The following IKBKE variants were observed in gnomAD, a reference collection of about 807,000 sequenced individuals.
IKBKE encodes the protein inhibitor of nuclear factor kappa-B kinase subunit epsilon.
In IKBKE, 45 loss-of-function variants were observed where a neutral mutation model predicts 92.1. The ratio of observed to expected loss-of-function variants is 0.49; its 90% confidence interval spans 0.38 to 0.63. The LOEUF is 0.63. IKBKE is among the 20% of genes least tolerant of loss of function. The pLI, the probability that IKBKE is intolerant of heterozygous loss-of-function variation, is 0.00. For missense variants in IKBKE, 700 were observed against 932.8 expected (o/e 0.75, Z 3.25); for synonymous variants, 374 against 380.3 (o/e 0.98, Z 0.19).
intron 13 of IKBKE, among the ~76,000 whole-genome samples, chr1:206,481,953 G>C (rs958944483): frequency 7.9e-5 from 12 of 151,756 alleles, no homozygotes; most frequent in African/African-American, 2.9e-4. Context: ...CTAATTTTTT[G>C]TATTTTTAGT....
chr1:206,476,546 C>A lies in IKBKE; in HGVS notation c.541-132C>A. 8.3e-7 allele frequency: 1 copy of A among 1,204,046 alleles called. No individual in the cohort carries two copies. The highest frequency in any genetic ancestry group is 1.4e-5 in the South Asian group (1 of 69,078). 74.6% of individuals were successfully genotyped at this position (1,204,046 alleles called of 1,614,324 possible). On this transcript the variant is annotated intron_variant, in intron 6 of 21. Transcript: ENST00000581977. The surrounding 1 kb of genome is among the most constrained non-coding windows in gnomAD (Gnocchi z 5.1). ...AAGATGGAAAAGGTGAGGCTGACACCCATTTTTAAGATGACAAAGAAGGAT... is the reference window on the plus strand; with the variant it reads ...AAGATGGAAAAGGTGAGGCTGACACACATTTTTAAGATGACAAAGAAGGAT...
At chr1:206,470,731 TG>T (rs1292149276) in intron 1 of IKBKE, 33 bp downstream of exon 1, 11 of 144,256 alleles carry the variant, frequency 7.6e-5, no homozygotes, top group Admixed American at 6.2e-4. Flanking sequence ...GGGGTGGGGG[TG>T]GAATGAGGGG....
intron 5 of IKBKE, 40 bp downstream of exon 5, chr1:206,475,034 C>T (rs782169050): frequency 1.9e-6 from 3 of 1,609,818 alleles, no homozygotes; most frequent in Admixed American, 1.7e-5. Context: ...CTCAGACCAG[C>T]GGCAGGCCTG....
intron 12 of IKBKE, 76 bp from the exon 13 acceptor site, chr1:206,480,371 T>A: frequency 7.9e-7 from 1 of 1,264,794 alleles, no homozygotes; most frequent in Non-Finnish European, 1.1e-6. Context: ...GAGGCCAGTA[T>A]CCTGGGATGC....
Position 206,473,326 on chromosome 1 carries a change from C to T in IKBKE, c.87+12C>T. On this transcript the variant is annotated intron_variant, in intron 3 of 21. Transcript: ENST00000581977. The stretch of plus-strand genomic sequence containing the variant: ...AGGCCCGCAACAAGGTAGGAAGCAA[C>T]CCTGGCCAGGCCCTGTCCAGCCCAG... 6.2e-7 allele frequency: 1 copy of T among 1,601,906 alleles called. No individual in the cohort carries two copies. The highest frequency in any genetic ancestry group is 1.1e-5 in the South Asian group (1 of 89,532).
Position 206,487,278 on chromosome 1 carries a change from G to C in IKBKE, c.1617-636G>C, listed in dbSNP as rs782472221. On this transcript the variant is annotated intron_variant, in intron 15 of 21. Coordinates refer to ENST00000581977, the MANE Select transcript of IKBKE (RefSeq NM_014002.4). The surrounding 1 kb of genome is among the most constrained non-coding windows in gnomAD (Gnocchi z 5.3). ...AAGTGTTTGTTTCCAGCCTGAAAAG[G>C]GGAAGGAAGAAATAATAATGACCTT... Among the ~76,000 whole-genome samples the C allele has an allele frequency of 6.6e-6, 1 of 152,228 alleles. No homozygotes were observed. The highest frequency in any genetic ancestry group is 2.4e-5 in the African/African-American group (1 of 41,442).
chr1:206,485,237 C>T lies in IKBKE; in HGVS notation c.1547C>T (p.Thr516Ile). ...AGATGCTCCCAAAATATCACGGAGA[C>T]CCAGGAGAGCCTGAGCAGCCTGAAC... The part of the protein sequence containing the change: ...LSRCSQNITE[T>I]QESLSSLNRE... Residue 516 changes from threonine to isoleucine, a missense_variant, in exon 15 of 22, where the codon ACC becomes ATC. Transcript: ENST00000581977. The surrounding 1 kb of genome is among the most constrained non-coding windows in gnomAD (Gnocchi z 5.0). The T allele has an allele frequency of 6.2e-7, 1 of 1,613,944 alleles. No homozygotes were observed. Among genetic ancestry groups the T allele is most frequent in the Admixed American group, 1.7e-5 (1 of 60,018 alleles).
chr1:206,485,916 C>T lies in IKBKE; in HGVS notation c.1616+610C>T, dbSNP rs1053114470. ...GCTGACTGTGGGGAGCCGCTGCCTA[C>T]CTTGCCGCTTCTGACCAGGGGATGG... On this transcript the variant is annotated intron_variant, in intron 15 of 21. Coordinates refer to ENST00000581977, the MANE Select transcript of IKBKE (RefSeq NM_014002.4). This position sits in a 1 kb window ranked among gnomAD's most constrained non-coding sequence, Gnocchi z 5.0. Among the ~76,000 whole-genome samples, 1 of 152,232 alleles carries T rather than the reference C, an allele frequency of 6.6e-6. No homozygotes were observed. Among genetic ancestry groups the T allele is most frequent in the African/African-American group, 2.4e-5 (1 of 41,462 alleles).
intron 21 of IKBKE, among the ~76,000 whole-genome samples, chr1:206,494,626 C>G (rs1174469176): frequency 1.1e-5 from 1 of 91,776 alleles, no homozygotes; most frequent in Non-Finnish European, 1.9e-5. Flanking sequence ...TTTTTTGAGA[C>G]GGAGTCTCAC....
intron 3 of IKBKE, among the ~76,000 whole-genome samples, chr1:206,473,956 G>A (rs1223183052): frequency 6.0e-5 from 5 of 83,746 alleles, no homozygotes; most frequent in East Asian, 4.0e-4. Flanking sequence ...GCGAGGCTCC[G>A]TCTCAAAAAA....
At chr1:206,471,855 C>T (rs781910094) in intron 2 of IKBKE, among the ~76,000 whole-genome samples, 23 of 152,312 alleles carry the variant, frequency 1.5e-4, no homozygotes, top group Non-Finnish European at 3.1e-4. Context: ...AAGTTCAGAG[C>T]GAAGGAACAT....
At chr1:206,483,416 G>A (rs1283229866) in intron 13 of IKBKE, among the ~76,000 whole-genome samples, 17 of 152,108 alleles carry the variant, frequency 1.1e-4, no homozygotes, top group Non-Finnish European at 2.1e-4. Context: ...ACTCAGTAAC[G>A]CCTTCAGCAT....
In IKBKE at chr1:206,476,594, G is replaced by A; in HGVS notation, c.541-84G>A. On this transcript the variant is annotated intron_variant, in intron 6 of 21. Coordinates refer to ENST00000581977, the MANE Select transcript of IKBKE (RefSeq NM_014002.4). The surrounding 1 kb of genome is among the most constrained non-coding windows in gnomAD (Gnocchi z 5.1). ...GATTTGAACAGTTCTGTTTTCACCTGCAGGCGGTGAAAGGGGGTCTGACAG... is the reference window on the plus strand; with the variant it reads ...GATTTGAACAGTTCTGTTTTCACCTACAGGCGGTGAAAGGGGGTCTGACAG... 1 of 1,476,406 alleles carries A rather than the reference G, an allele frequency of 6.8e-7. No individual in the cohort carries two copies. The highest frequency in any genetic ancestry group is 1.2e-5 in the South Asian group (1 of 84,018). The allele number at this position is 1,476,406 out of a possible 1,614,324, so 91.5% of individuals were successfully genotyped here. A position where few individuals can be genotyped will look rare whatever the true frequency, so the allele number is the denominator to read the frequency against.
intron 16 of IKBKE, among the ~76,000 whole-genome samples, chr1:206,489,259 ATAT>A (rs1665811191): frequency 6.8e-6 from 1 of 147,654 alleles, no homozygotes; most frequent in Non-Finnish European, 1.5e-5. Context: ...TCACATATAT[ATAT>A]TATTCATATA....
intron 3 of IKBKE, 151 bp downstream of exon 3, chr1:206,473,465 C>A: frequency 1.6e-6 from 1 of 613,868 alleles, no homozygotes; most frequent in Non-Finnish European, 2.8e-6. Context: ...TGGGTTTGAG[C>A]AGAGGCATAG....
chr1:206,485,635 C>G lies in IKBKE; in HGVS notation c.1616+329C>G, dbSNP rs1429739521. Among the ~76,000 whole-genome samples, 2 of 152,182 alleles carry G rather than the reference C, an allele frequency of 1.3e-5. No individual in the cohort carries two copies. Among genetic ancestry groups the G allele is most frequent in the Non-Finnish European group, 2.9e-5 (2 of 68,042 alleles). ...TGTCAGGCCCTTGGGTAGGTCCTCTCACGTACAGCATCTCGTTGAATCCTG... is the reference window on the plus strand; with the variant it reads ...TGTCAGGCCCTTGGGTAGGTCCTCTGACGTACAGCATCTCGTTGAATCCTG... On this transcript the variant is annotated intron_variant, in intron 15 of 21. Coordinates refer to ENST00000581977, the MANE Select transcript of IKBKE (RefSeq NM_014002.4). This position sits in a 1 kb window ranked among gnomAD's most constrained non-coding sequence, Gnocchi z 5.0.
Position 206,480,254 on chromosome 1 carries a change from G to A in IKBKE, c.1340+141G>A, listed in dbSNP as rs1487303685. On this transcript the variant is annotated intron_variant, in intron 12 of 21. Coordinates refer to ENST00000581977, the MANE Select transcript of IKBKE (RefSeq NM_014002.4). Reference sequence around the variant, plus strand: ...GAGCAGGAGGAGGGGGTGGGCAGGAGAGGGAGGTGGGCAGAGAGGGGGAGG... The same window carrying A: ...GAGCAGGAGGAGGGGGTGGGCAGGAAAGGGAGGTGGGCAGAGAGGGGGAGG... 1.0e-5 allele frequency: 5 copies of A among 483,538 alleles called. No homozygotes were observed. In the African/African-American group the frequency reaches 1.3e-4, roughly 12 times the overall value. 30.0% of individuals were successfully genotyped at this position (483,538 alleles called of 1,614,324 possible).
At chr1:206,489,367 G>A (rs1380266225) in intron 16 of IKBKE, among the ~76,000 whole-genome samples, 1 of 51,398 alleles carries the variant, frequency 1.9e-5, no homozygotes, top group African/African-American at 6.1e-5. Context: ...GTGTGTGTGT[G>A]TGTATATATA....
Position 206,476,934 on chromosome 1 carries a change from C to T in IKBKE, c.701+96C>T. The T allele has an allele frequency of 7.4e-7, 1 of 1,346,868 alleles. No individual in the cohort carries two copies. The highest frequency in any genetic ancestry group is 1.0e-6 in the Non-Finnish European group (1 of 963,946). The allele number at this position is 1,346,868 out of a possible 1,614,324, so 83.4% of individuals were successfully genotyped here. ...CTGTGTCTTCTGGTCCCCTCACACT[C>T]CATGGCCCTCCTCTGGTCCACCCCC... On this transcript the variant is annotated intron_variant, in intron 7 of 21. Coordinates refer to ENST00000581977, the MANE Select transcript of IKBKE (RefSeq NM_014002.4). This position sits in a 1 kb window ranked among gnomAD's most constrained non-coding sequence, Gnocchi z 5.1.
Sources: allele counts gnomAD v4.1 joint callset (sites outside exome capture counted in the v4.1 genomes callset), GRCh38; gene constraint gnomAD v4.1.1; non-coding constraint Gnocchi (gnomAD v3.1); transcripts MANE v1.5; gene names NCBI Gene and HGNC (gene_info 2026-07-23, HGNC 2026-07-21).